CD83: variants seen among roughly 807,000 people sequenced by gnomAD.
The protein encoded by CD83 is CD83 molecule.
CD83 carries 22 observed loss-of-function variants against 24.6 expected under a neutral mutation model. That is an observed-to-expected ratio of 0.90 (90% CI 0.64 to 1.28). The LOEUF (loss-of-function observed/expected upper bound fraction) is 1.28, where lower values mean the gene tolerates loss of function less well. CD83 is among the 50% of genes most tolerant of loss of function. The pLI, the probability that CD83 is intolerant of heterozygous loss-of-function variation, is 0.00. For missense variants in CD83, 253 were observed against 252.8 expected, an observed-to-expected ratio of 1.00 and a Z score of -0.01; for synonymous variants, 101 against 103.5, an observed-to-expected ratio of 0.98 and a Z score of 0.14.
intron 2 of CD83, among the ~76,000 whole-genome samples, chr6:14,118,437 A>T (rs1479393446): frequency 6.6e-6 from 1 of 152,172 alleles, no homozygotes; most frequent in Non-Finnish European, 1.5e-5. Flanking sequence ...AGATTTGGGC[A>T]TTGGACAGGG....
In CD83 at chr6:14,136,586, C is replaced by T. The variant is rs1163135101; in HGVS notation, c.*1350C>T. 1.3e-5 allele frequency: 2 copies of T among 152,166 alleles called. No homozygotes were observed. Among genetic ancestry groups the T allele is most frequent in the Non-Finnish European group, 2.9e-5 (2 of 68,038 alleles). 9.4% of individuals were successfully genotyped at this position (152,166 alleles called of 1,614,324 possible). A position where few individuals can be genotyped will look rare whatever the true frequency, so the allele number is the denominator to read the frequency against. On this transcript the variant is annotated 3_prime_UTR_variant, in exon 5 of 5. Transcript: ENST00000379153. ...TGCTTGAGTTATATGTTCACTGTCC[C>T]CCTAATATTAGGGAGTAAAACGGAT... is the stretch of plus-strand genomic sequence containing the variant.
At chr6:14,128,702 G>A (rs950979984) in intron 2 of CD83, among the ~76,000 whole-genome samples, 8 of 152,096 alleles carry the variant, frequency 5.3e-5, no homozygotes, top group African/African-American at 1.7e-4. Context: ...TCTGCAGGTC[G>A]CTTTGAGGTT....
chr6:14,132,058 C>T (rs961320931), intron 3 of CD83, among the ~76,000 whole-genome samples: 3 of 152,204 alleles, frequency 2.0e-5, no homozygotes, highest in Admixed American at 1.3e-4. Context: ...AGGAATTGGA[C>T]TTCGGGTAAT....
chr6:14,122,834 G>A (rs775503654), intron 2 of CD83, among the ~76,000 whole-genome samples: 43 of 152,234 alleles, frequency 2.8e-4, no homozygotes, highest in Non-Finnish European at 5.3e-4. Context: ...CCTGGCATTG[G>A]CCATCTCAGG....
intron 2 of CD83, among the ~76,000 whole-genome samples, chr6:14,119,976 C>T (rs9476507): frequency 0.057 from 8,623 of 152,198 alleles, 807 homozygotes; most frequent in African/African-American, 0.2. Flanking sequence ...TGACGTAACT[C>T]GGTAACGCAT....
At chr6:14,132,275 G>A (rs1561832467) in intron 3 of CD83, among the ~76,000 whole-genome samples, 1 of 152,154 alleles carries the variant, frequency 6.6e-6, no homozygotes, top group African/African-American at 2.4e-5. Context: ...GAACCTCTGC[G>A]TTTTCTTCTC....
intron 4 of CD83, 30 bp from the exon 5 acceptor site, chr6:14,135,078 T>C: frequency 3.1e-6 from 5 of 1,611,592 alleles, no homozygotes; most frequent in Non-Finnish European, 4.2e-6. Context: ...TTCCAATTAT[T>C]CACTTCACAT....
At position 14,135,355 on chromosome 6, in the gene CD83, C is replaced by T; in HGVS notation, c.*119C>T. On this transcript the variant is annotated 3_prime_UTR_variant, in exon 5 of 5. Coordinates refer to ENST00000379153, the MANE Select transcript of CD83 (RefSeq NM_004233.4). ...GATGGCATCCTGTGAAGTCCTTCAC[C>T]TCACTGAAAACATCTGGAAGGGGAT... 1 of 1,142,906 alleles carries T rather than the reference C, an allele frequency of 8.7e-7. No individual in the cohort carries two copies. The highest frequency in any genetic ancestry group is 1.6e-5 in the South Asian group (1 of 62,716). The allele number at this position is 1,142,906 out of a possible 1,614,324, so 70.8% of individuals were successfully genotyped here.
At chr6:14,119,558 C>A (rs1759624403) in intron 2 of CD83, among the ~76,000 whole-genome samples, 1 of 152,132 alleles carries the variant, frequency 6.6e-6, no homozygotes, top group Admixed American at 6.5e-5. Flanking sequence ...AATAACTTGT[C>A]CACTTTTGCA....
intron 2 of CD83, among the ~76,000 whole-genome samples, chr6:14,127,919 C>G (rs967299896): frequency 6.6e-6 from 1 of 152,220 alleles, no homozygotes; most frequent in Non-Finnish European, 1.5e-5. Flanking sequence ...CTTTAGCGCA[C>G]TGTACTACAA....
chr6:14,136,811 G>T lies in CD83; in HGVS notation c.*1575G>T, dbSNP rs1014704316. 1 of 152,164 alleles carries T rather than the reference G, an allele frequency of 6.6e-6. No individual in the cohort carries two copies. Among genetic ancestry groups the T allele is most frequent in the Non-Finnish European group, 1.5e-5 (1 of 68,036 alleles). The allele number at this position is 152,164 out of a possible 1,614,324, so 9.4% of individuals were successfully genotyped here. On this transcript the variant is annotated 3_prime_UTR_variant, in exon 5 of 5. Transcript: ENST00000379153. The stretch of plus-strand genomic sequence containing the variant: ...ACCCCCATGATGTAAGTTTACCTAT[G>T]TAACAAACCTGCACTTATACCCATG...
chr6:14,118,203 C>G, intron 2 of CD83, 138 bp downstream of exon 2: 1 of 604,866 alleles, frequency 1.7e-6, no homozygotes. Flanking sequence ...ACTTGGAGTA[C>G]CCAGCCTCCC....
rs1240440975 is a variant in CD83 at position 14,136,139 on chromosome 6, T to C, written c.*903T>C. The C allele has an allele frequency of 1.3e-5, 2 of 152,250 alleles. No individual in the cohort carries two copies. Among genetic ancestry groups the C allele is most frequent in the African/African-American group, 4.8e-5 (2 of 41,458 alleles). 9.4% of individuals were successfully genotyped at this position (152,250 alleles called of 1,614,324 possible). A position where few individuals can be genotyped will look rare whatever the true frequency, so the allele number is the denominator to read the frequency against. ...CAAGTTCCTTCTGGTGTCTGCTTTC[T>C]CCATTGTAAACCACAAGGCTGTTGC... On this transcript the variant is annotated 3_prime_UTR_variant, in exon 5 of 5. Coordinates refer to ENST00000379153, the MANE Select transcript of CD83 (RefSeq NM_004233.4).
Position 14,117,945 on chromosome 6 carries a change from T to C in CD83, c.38-5T>C, listed in dbSNP as rs376874262. The C allele has an allele frequency of 1.9e-5, 30 of 1,606,606 alleles. No homozygotes were observed. The highest frequency in any genetic ancestry group is 2.5e-5 in the Non-Finnish European group (29 of 1,178,572). On this transcript the variant is annotated splice_region_variant and splice_polypyrimidine_tract_variant and intron_variant, in intron 1 of 4. Transcript: ENST00000379153. The surrounding 1 kb of genome is among the most constrained non-coding windows in gnomAD (Gnocchi z 4.6). Reference sequence around the variant, plus strand: ...TGCTCACGACGCGCTCTCTCTTTCTTGTAGCCTACAGCCTGGCTCCCGCGA... The same window carrying C: ...TGCTCACGACGCGCTCTCTCTTTCTCGTAGCCTACAGCCTGGCTCCCGCGA...
At chr6:14,117,674 C>A, upstream of CD83, 1 of 555,964 alleles carries the variant, frequency 1.8e-6, no homozygotes, top group Non-Finnish European at 2.9e-6. The surrounding 1 kb of genome is among the most constrained non-coding windows in gnomAD (Gnocchi z 4.6). Flanking sequence ...GGAGGGCGCG[C>A]CACCCGCTTC....
chr6:14,135,442 A>G lies in CD83; in HGVS notation c.*206A>G, dbSNP rs1402564569. 1.4e-5 allele frequency: 7 copies of G among 517,162 alleles called. No homozygotes were observed. The highest frequency in any genetic ancestry group is 2.0e-5 in the Non-Finnish European group (6 of 293,236). The allele number at this position is 517,162 out of a possible 1,614,324, so 32.0% of individuals were successfully genotyped here. On this transcript the variant is annotated 3_prime_UTR_variant, in exon 5 of 5. Transcript: ENST00000379153. The stretch of plus-strand genomic sequence containing the variant: ...TCACATGACCACATAGCATGAGGCC[A>G]CTGCTGCTTCTCCATGGCCACCTTT...
At chr6:14,119,812 G>T (rs984620124) in intron 2 of CD83, among the ~76,000 whole-genome samples, 4 of 152,208 alleles carry the variant, frequency 2.6e-5, no homozygotes, top group Admixed American at 6.5e-5. Context: ...ACCCCCAGGG[G>T]AGTAATTAAA....
chr6:14,131,394 A>C, intron 2 of CD83, 126 bp from the exon 3 acceptor site: 1 of 690,138 alleles, frequency 1.4e-6, no homozygotes, highest in Admixed American at 2.7e-5. Flanking sequence ...CACACACACA[A>C]AAGCATCACG....
intron 2 of CD83, among the ~76,000 whole-genome samples, chr6:14,126,662 C>T (rs557881459): frequency 6.6e-5 from 10 of 152,270 alleles, no homozygotes; most frequent in African/African-American, 2.4e-4. Context: ...GATATTAATG[C>T]TCATACATTC....
Sources: gnomAD v4.1 joint callset for allele counts (sites outside exome capture counted in the v4.1 genomes callset) on GRCh38, gnomAD v4.1.1 for gene constraint, Gnocchi (gnomAD v3.1) non-coding constraint, MANE v1.5 for transcripts, NCBI Gene and HGNC (gene_info 2026-07-23, HGNC 2026-07-21) for gene names.